PDZRN4: variants seen among roughly 807,000 people sequenced by gnomAD.
PDZRN4 encodes PDZ domain-containing RING finger protein 4.
Under a neutral mutation model 99.0 loss-of-function variants are expected in PDZRN4, and 70 were observed. That is an observed-to-expected ratio of 0.71 (90% CI 0.58 to 0.86). The LOEUF (loss-of-function observed/expected upper bound fraction) is 0.86. PDZRN4 is among the 40% of genes least tolerant of loss of function. The pLI, the probability that PDZRN4 is intolerant of heterozygous loss-of-function variation, is 0.00. For synonymous variants in PDZRN4, 551 were observed against 501.6 expected (o/e 1.10, Z -1.32); for missense variants, 1,474 against 1,331.2 (o/e 1.11, Z -1.67).
At chr12:41,301,262 A>T (rs1363870591) in intron 3 of PDZRN4, among the ~76,000 whole-genome samples, 1 of 152,024 alleles carries the variant, frequency 6.6e-6, no homozygotes, top group African/African-American at 2.4e-5. Context: ...CTTTTCTTCC[A>T]GATACGCACT....
At chr12:41,380,634 T>C (rs1044403327) in intron 3 of PDZRN4, among the ~76,000 whole-genome samples, 1 of 152,096 alleles carries the variant, frequency 6.6e-6, no homozygotes, top group Admixed American at 6.5e-5. Context: ...TTCCCCCTTT[T>C]CATTTTAAGT....
At chr12:41,403,778 A>G (rs1437471299) in intron 3 of PDZRN4, among the ~76,000 whole-genome samples, 1 of 152,220 alleles carries the variant, frequency 6.6e-6, no homozygotes, top group East Asian at 1.9e-4. Context: ...CAATTTATTC[A>G]TTCAAAATAT....
At chr12:41,491,232 A>G (rs1425661874) in intron 3 of PDZRN4, among the ~76,000 whole-genome samples, 1 of 152,160 alleles carries the variant, frequency 6.6e-6, no homozygotes, top group Non-Finnish European at 1.5e-5. Flanking sequence ...TAAGGTAACC[A>G]TGAATCCTGG....
chr12:41,270,027 A>C (rs1348817558), intron 3 of PDZRN4, among the ~76,000 whole-genome samples: 2 of 152,074 alleles, frequency 1.3e-5, no homozygotes, highest in African/African-American at 4.8e-5. Flanking sequence ...ATAAATTCTA[A>C]TGGGTCATTG....
intron 3 of PDZRN4, among the ~76,000 whole-genome samples, chr12:41,374,531 A>G (rs569423739): frequency 2.6e-5 from 4 of 152,306 alleles, no homozygotes; most frequent in South Asian, 2.1e-4. Flanking sequence ...CAAGGGTTTC[A>G]GAGAAGAGCT....
intron 5 of PDZRN4, among the ~76,000 whole-genome samples, chr12:41,527,058 T>G (rs1325958729): frequency 6.6e-6 from 1 of 152,180 alleles, no homozygotes; most frequent in Non-Finnish European, 1.5e-5. Context: ...CATATATAAT[T>G]ACACTACCGT....
intron 3 of PDZRN4, among the ~76,000 whole-genome samples, chr12:41,399,663 G>C (rs922735855): frequency 6.6e-6 from 1 of 151,922 alleles, no homozygotes; most frequent in African/African-American, 2.4e-5. Context: ...TTGAACCCAG[G>C]GGGCAGAGGT....
chr12:41,517,053 G>T (rs140659607), intron 5 of PDZRN4, among the ~76,000 whole-genome samples: 26 of 151,904 alleles, frequency 1.7e-4, no homozygotes, highest in African/African-American at 6.0e-4. Flanking sequence ...AATTCTTTCC[G>T]ATTTCTTACT....
At position 41,191,610 on chromosome 12, in the gene PDZRN4, G is replaced by A. The variant is rs940969235; in HGVS notation, c.735+66G>A. On this transcript the variant is annotated intron_variant, in intron 2 of 9. Transcript: ENST00000402685. ...TAAGCATTAATAAGCATTACTCATT[G>A]CTTATAAAATAATAGAGGACTTAGC... 6 of 767,622 alleles carry A rather than the reference G, an allele frequency of 7.8e-6. No individual in the cohort carries two copies. In the African/African-American group the frequency reaches 8.7e-5, roughly 11 times the overall value. 47.6% of individuals were successfully genotyped at this position (767,622 alleles called of 1,614,324 possible).
At chr12:41,386,314 G>A (rs368272923) in intron 3 of PDZRN4, among the ~76,000 whole-genome samples, 1 of 152,082 alleles carries the variant, frequency 6.6e-6, no homozygotes, top group Non-Finnish European at 1.5e-5. Context: ...TCCTGGCTAG[G>A]GCAATCAGGC....
At chr12:41,379,282 G>T (rs1952105099) in intron 3 of PDZRN4, among the ~76,000 whole-genome samples, 1 of 142,660 alleles carries the variant, frequency 7.0e-6, no homozygotes, top group Non-Finnish European at 1.5e-5. Context: ...TCTAGGTAAA[G>T]TTTCATCAAT....
At chr12:41,443,319 G>T (rs1952697239) in intron 3 of PDZRN4, among the ~76,000 whole-genome samples, 2 of 152,118 alleles carry the variant, frequency 1.3e-5, no homozygotes. Flanking sequence ...AAACTAAAAT[G>T]ATGAAAGGGT....
chr12:41,360,656 C>A (rs1951957466), intron 3 of PDZRN4, among the ~76,000 whole-genome samples: 1 of 151,900 alleles, frequency 6.6e-6, no homozygotes, highest in South Asian at 2.1e-4. Context: ...AATTGACTTG[C>A]ATTTTATACA....
chr12:41,254,471 A>G (rs1951190978), intron 3 of PDZRN4, among the ~76,000 whole-genome samples: 1 of 152,218 alleles, frequency 6.6e-6, no homozygotes, highest in Admixed American at 6.5e-5. Context: ...TCTGAATAAT[A>G]GTTTCTTATA....
intron 3 of PDZRN4, among the ~76,000 whole-genome samples, chr12:41,235,326 A>T (rs971883878): frequency 6.6e-6 from 1 of 152,180 alleles, no homozygotes; most frequent in Non-Finnish European, 1.5e-5. Flanking sequence ...GGAAAATAAG[A>T]AAAAGGCCAA....
At chr12:41,200,133 A>G (rs1950804476) in intron 3 of PDZRN4, among the ~76,000 whole-genome samples, 1 of 152,208 alleles carries the variant, frequency 6.6e-6, no homozygotes, top group Non-Finnish European at 1.5e-5. Flanking sequence ...ATTCATGATT[A>G]CAAATCATTA....
chr12:41,539,659 T>C (rs1938813385), intron 5 of PDZRN4, among the ~76,000 whole-genome samples: 1 of 152,178 alleles, frequency 6.6e-6, no homozygotes, highest in Non-Finnish European at 1.5e-5. Flanking sequence ...ATGAAGTTCA[T>C]CTTATCAACA....
chr12:41,477,549 T>G (rs1023291046), intron 3 of PDZRN4, among the ~76,000 whole-genome samples: 1 of 152,192 alleles, frequency 6.6e-6, no homozygotes, highest in Non-Finnish European at 1.5e-5. Context: ...TGGCATAGTT[T>G]GAGTATTTTA....
At chr12:41,327,331 C>T (rs955391873) in intron 3 of PDZRN4, among the ~76,000 whole-genome samples, 2 of 152,208 alleles carry the variant, frequency 1.3e-5, no homozygotes, top group Admixed American at 1.3e-4. Context: ...AGTGCTAAAG[C>T]ACAAGCCTCT....
Sources: gnomAD v4.1 joint callset for allele counts (sites outside exome capture counted in the v4.1 genomes callset) on GRCh38, gnomAD v4.1.1 for gene constraint, MANE v1.5 for transcripts, NCBI Gene and HGNC (gene_info 2026-07-23, HGNC 2026-07-21) for gene names.